The following SMC5 variants were observed in gnomAD, a reference collection of about 807,000 sequenced individuals.
The protein encoded by SMC5 is structural maintenance of chromosomes 5, also known as structural maintenance of chromosomes protein 5.
In SMC5, 88 loss-of-function variants were observed where a neutral mutation model predicts 148.3. The ratio of observed to expected loss-of-function variants is 0.59; its 90% confidence interval spans 0.50 to 0.71. The LOEUF (loss-of-function observed/expected upper bound fraction) is 0.71. Among genes scored for constraint, SMC5 ranks in the 30% least tolerant of loss-of-function variants. SMC5 has a pLI of 0.00. For missense variants in SMC5, 1,142 were observed against 1,298.9 expected (o/e 0.88, Z 1.86); for synonymous variants, 421 against 432.8 (o/e 0.97, Z 0.34).
At chr9:70,323,734 C>A in intron 16 of SMC5, 128 bp downstream of exon 16, 1 of 1,084,198 alleles carries the variant, frequency 9.2e-7, no homozygotes, top group Non-Finnish European at 1.3e-6. Context: ...AGCAAGAGAT[C>A]TTTATCATCA....
chr9:70,268,850 A>G (rs1352843112), intron 3 of SMC5, among the ~76,000 whole-genome samples: 2 of 152,154 alleles, frequency 1.3e-5, no homozygotes, highest in Non-Finnish European at 2.9e-5. Context: ...TTGAGCTTGG[A>G]TATTCTCAAT....
chr9:70,329,272 A>C (rs2036163713), intron 17 of SMC5, among the ~76,000 whole-genome samples: 1 of 152,218 alleles, frequency 6.6e-6, no homozygotes, highest in Non-Finnish European at 1.5e-5. Flanking sequence ...GTTGGGCTGC[A>C]AGTTTTCCAA....
chr9:70,334,324 G>A (rs1345382397), intron 17 of SMC5, among the ~76,000 whole-genome samples: 2 of 152,046 alleles, frequency 1.3e-5, no homozygotes, highest in Non-Finnish European at 2.9e-5. Flanking sequence ...GAAAATGTAA[G>A]AGAAAATCTT....
chr9:70,268,289 T>C (rs571398326), intron 3 of SMC5, among the ~76,000 whole-genome samples: 2 of 152,070 alleles, frequency 1.3e-5, no homozygotes, highest in African/African-American at 2.4e-5. Context: ...CTACTAAAAA[T>C]AGAAAAATTA....
intron 5 of SMC5, among the ~76,000 whole-genome samples, chr9:70,280,134 A>G (rs932736607): frequency 6.6e-6 from 1 of 152,212 alleles, no homozygotes. Flanking sequence ...AGCTTCAGAT[A>G]TTCTGTTCTT....
At chr9:70,344,344 A>G in intron 18 of SMC5, 75 bp downstream of exon 18, 1 of 1,184,496 alleles carries the variant, frequency 8.4e-7, no homozygotes, top group Non-Finnish European at 1.1e-6. Flanking sequence ...TAGCCATTGT[A>G]ACAGGCCGTG....
chr9:70,352,487 A>AC lies in SMC5; in HGVS notation c.*158dup. On this transcript the variant is annotated 3_prime_UTR_variant, in exon 25 of 25. Coordinates refer to ENST00000361138, the MANE Select transcript of SMC5 (RefSeq NM_015110.4). ...TAGGTTGATAATGGAAACTATAATGACCTTTCCAAAATAGCAGCTGGTAGT... is the reference window on the plus strand; with the variant it reads ...TAGGTTGATAATGGAAACTATAATGACCCTTTCCAAAATAGCAGCTGGTAGT... The AC allele has an allele frequency of 1.4e-6, 1 of 699,252 alleles. No homozygotes were observed. Among genetic ancestry groups the AC allele is most frequent in the Admixed American group, 3.4e-5 (1 of 29,434 alleles). 43.3% of individuals were successfully genotyped at this position (699,252 alleles called of 1,614,324 possible).
intron 20 of SMC5, among the ~76,000 whole-genome samples, 177 bp from the exon 21 acceptor site, chr9:70,347,436 T>C (rs2036692250): frequency 6.6e-6 from 1 of 152,248 alleles, no homozygotes; most frequent in East Asian, 1.9e-4. Flanking sequence ...CTGCAATGTC[T>C]ATTTTTTCAA....
intron 8 of SMC5, 50 bp downstream of exon 8, chr9:70,286,321 T>TAA: frequency 8.2e-7 from 1 of 1,218,598 alleles, no homozygotes; most frequent in Non-Finnish European, 1.2e-6. Context: ...GCTCTAACTT[T>TAA]TGTTTTCAAA....
At chr9:70,284,558 A>G (rs1273483494) in intron 7 of SMC5, among the ~76,000 whole-genome samples, 2 of 152,168 alleles carry the variant, frequency 1.3e-5, no homozygotes, top group African/African-American at 4.8e-5. Context: ...ATATGTACAT[A>G]ATAAATTTGA....
Position 70,323,550 on chromosome 9 carries a change from A to G in SMC5, c.2218A>G (p.Lys740Glu). The G allele has an allele frequency of 6.2e-7, 1 of 1,612,936 alleles. No individual in the cohort carries two copies. Among genetic ancestry groups the G allele is most frequent in the Non-Finnish European group, 8.5e-7 (1 of 1,179,570 alleles). Residue 740 changes from lysine to glutamate, a missense_variant, in exon 16 of 25, where the codon AAA becomes GAA. By Grantham distance (56) the Lys-to-Glu change is moderately conservative. Transcript: ENST00000361138. ...EEERKASTKI[K>E]EINVQKAKLV... ...AGAGCGAAAAGCAAGTACCAAAATCAAAGAAATAAATGTTCAAAAAGCGAA... is the reference window on the plus strand; with the variant it reads ...AGAGCGAAAAGCAAGTACCAAAATCGAAGAAATAAATGTTCAAAAAGCGAA...
intron 4 of SMC5, among the ~76,000 whole-genome samples, chr9:70,278,217 A>G (rs570320352): frequency 5.7e-4 from 86 of 152,074 alleles, no homozygotes; most frequent in African/African-American, 1.7e-3. Flanking sequence ...TCTTGGGACT[A>G]TGTGTTCTTT....
In SMC5 at chr9:70,352,480, T is replaced by A. The variant is rs1187012113; in HGVS notation, c.*149T>A. The A allele has an allele frequency of 4.1e-6, 3 of 732,388 alleles. No individual in the cohort carries two copies. The highest frequency in any genetic ancestry group is 6.3e-6 in the Non-Finnish European group (3 of 474,914). The allele number at this position is 732,388 out of a possible 1,614,324, so 45.4% of individuals were successfully genotyped here. On this transcript the variant is annotated 3_prime_UTR_variant, in exon 25 of 25. Coordinates refer to ENST00000361138, the MANE Select transcript of SMC5 (RefSeq NM_015110.4). ...ATACAAATAGGTTGATAATGGAAAC[T>A]ATAATGACCTTTCCAAAATAGCAGC...
At chr9:70,351,058 A>C (rs1388632699) in intron 24 of SMC5, among the ~76,000 whole-genome samples, 1 of 152,164 alleles carries the variant, frequency 6.6e-6, no homozygotes, top group East Asian at 1.9e-4. Flanking sequence ...TTAAGTATTC[A>C]TGAAAAATTT....
In SMC5 at chr9:70,324,163, T is replaced by G. The variant is rs754834353; in HGVS notation, c.2397+20T>G. On this transcript the variant is annotated intron_variant, in intron 17 of 24. Coordinates refer to ENST00000361138, the MANE Select transcript of SMC5 (RefSeq NM_015110.4). Reference sequence around the variant, plus strand: ...ACAGAGGTAAAATTTTTGCCTTTACTTTTTATTTTGAGGTTCTAACCTCAG... The same window carrying G: ...ACAGAGGTAAAATTTTTGCCTTTACGTTTTATTTTGAGGTTCTAACCTCAG... The G allele has an allele frequency of 1.9e-6, 3 of 1,579,520 alleles. No individual in the cohort carries two copies. The highest frequency in any genetic ancestry group is 1.2e-5 in the South Asian group (1 of 84,412).
At chr9:70,267,852 G>T (rs1319264651) in intron 2 of SMC5, 71 bp from the exon 3 acceptor site, 13 of 1,331,488 alleles carry the variant, frequency 9.8e-6, no homozygotes, top group South Asian at 2.6e-5. Flanking sequence ...AAATAATAAT[G>T]ACTGCTAAAT....
chr9:70,259,289 G>A (rs1376297980), intron 1 of SMC5, 26 bp downstream of exon 1: 13 of 1,543,278 alleles, frequency 8.4e-6, no homozygotes, highest in Admixed American at 2.0e-5. Context: ...GCCGCGCCGC[G>A]GGTGTGGAGG....
chr9:70,271,332 A>G (rs1250027302), intron 3 of SMC5, among the ~76,000 whole-genome samples: 2 of 152,228 alleles, frequency 1.3e-5, no homozygotes, highest in African/African-American at 2.4e-5. Context: ...AAATTTAAGT[A>G]TATAAACGTC....
rs763505099 is a variant in SMC5 at position 70,297,999 on chromosome 9, C to G, written c.1087C>G (p.Gln363Glu). Residue 363 changes from glutamine to glutamate, a missense_variant, in exon 9 of 25, where the codon CAA becomes GAA. Around this residue, in one of 5 missense-constraint regions of SMC5, gnomAD observed 743 missense variants for 835.7 expected, o/e 0.89. Coordinates refer to ENST00000361138, the MANE Select transcript of SMC5 (RefSeq NM_015110.4). ...ACTTCAGCAGGCTTTAATAGTAAAG[C>G]AAAATGAAGAGCTTGACCGACAGAG... ...EELQQALIVK[Q>E]NEELDRQRRI... 5 of 1,613,474 alleles carry G rather than the reference C, an allele frequency of 3.1e-6. No individual in the cohort carries two copies. In the African/African-American group the frequency reaches 4.0e-5, roughly 13 times the overall value.
Sources: gnomAD v4.1 joint callset for allele counts (sites outside exome capture counted in the v4.1 genomes callset) on GRCh38, gnomAD v4.1.1 for gene constraint, gnomAD v4.1.1 regional missense constraint, MANE v1.5 for transcripts, NCBI Gene and HGNC (gene_info 2026-07-23, HGNC 2026-07-21) for gene names.